The following NOVA1 variants were observed in gnomAD, a reference collection of about 807,000 sequenced individuals.
The protein encoded by NOVA1 is NOVA alternative splicing regulator 1.
In NOVA1, 7 loss-of-function variants were observed where a neutral mutation model predicts 38.0. The observed-to-expected ratio is 0.18, with a 90% CI of 0.10 to 0.35. The LOEUF is 0.35. Among genes scored for constraint, NOVA1 ranks in the 10% least tolerant of loss-of-function variants. The pLI is 1.00. For missense variants in NOVA1, 460 were observed against 616.0 expected, an observed-to-expected ratio of 0.75 and a Z score of 2.68; for synonymous variants, 270 against 232.5, an observed-to-expected ratio of 1.16 and a Z score of -1.47.
rs372806170 is a variant in NOVA1 at position 26,481,988 on chromosome 14, TA to T, written c.281-1846del. Among the ~76,000 whole-genome samples the T allele has an allele frequency of 3.5e-3, 367 of 105,920 alleles. 1 individual carries two copies. Among genetic ancestry groups the T allele is most frequent in the African/African-American group, 0.015 (291 of 19,696 alleles). 69.5% of individuals were successfully genotyped at this position (105,920 alleles called of 152,430 possible). A position where few individuals can be genotyped will look rare whatever the true frequency, so the allele number is the denominator to read the frequency against. ...CAAAACAGTCTAACTTAGATAGAGA[TA>T]AAAAAAAAAAAAAAAAAAAAAAAAA... On this transcript the variant is annotated intron_variant, in intron 2 of 4. Coordinates refer to ENST00000539517, the MANE Select transcript of NOVA1 (RefSeq NM_002515.3).
chr14:26,492,122 A>G (rs1462361414), intron 2 of NOVA1, among the ~76,000 whole-genome samples: 1 of 152,144 alleles, frequency 6.6e-6, no homozygotes, highest in Non-Finnish European at 1.5e-5. Context: ...ATTTATTTGC[A>G]GGCATTTTAC....
intron 2 of NOVA1, among the ~76,000 whole-genome samples, chr14:26,577,645 T>A (rs188766556): frequency 6.6e-6 from 1 of 152,108 alleles, no homozygotes; most frequent in African/African-American, 2.4e-5. Context: ...ACAGATTGGA[T>A]CTGAAGTTCA....
intron 2 of NOVA1, among the ~76,000 whole-genome samples, chr14:26,494,016 G>C (rs908090648): frequency 1.3e-5 from 2 of 152,284 alleles, no homozygotes; most frequent in Admixed American, 1.3e-4. Context: ...CTAAGAGACT[G>C]CTATTCCTCA....
Position 26,448,930 on chromosome 14 carries a change from G to A in NOVA1, c.553C>T (p.Leu185=). Residue 185 remains leucine, a synonymous_variant, in exon 5 of 5, where the codon CTG becomes TTG. Coordinates refer to ENST00000539517, the MANE Select transcript of NOVA1 (RefSeq NM_002515.3). This position sits in a 1 kb window ranked among gnomAD's most constrained non-coding sequence, Gnocchi z 5.3. ...KIIVPNSTAG[L]IIGKGGATVK... ...GTAGCACCTCCCTTCCCTATTATCAGACCTGCTGTGCTGTTGGGAACTATA... is the reference window on the plus strand; with the variant it reads ...GTAGCACCTCCCTTCCCTATTATCAAACCTGCTGTGCTGTTGGGAACTATA... 6.2e-7 allele frequency: 1 copy of A among 1,613,638 alleles called. No homozygotes were observed.
chr14:26,572,725 AGTGTGTGTGTGTGT>A (rs56021646), intron 2 of NOVA1, among the ~76,000 whole-genome samples: 1 of 138,552 alleles, frequency 7.2e-6, no homozygotes, highest in East Asian at 2.2e-4. Context: ...AAGGAACCGC[AGTGTGTGTGTGTGT>A]GTGTGTGTGT....
At chr14:26,474,007 T>A (rs1208888319) in intron 3 of NOVA1, among the ~76,000 whole-genome samples, 2 of 152,072 alleles carry the variant, frequency 1.3e-5, no homozygotes, top group Non-Finnish European at 2.9e-5. Flanking sequence ...CTGAGACATA[T>A]GCTAATGACT....
chr14:26,506,407 C>T, intron 2 of NOVA1, among the ~76,000 whole-genome samples: 1 of 152,152 alleles, frequency 6.6e-6, no homozygotes, highest in East Asian at 1.9e-4. Flanking sequence ...AACAGATTTG[C>T]TTCAGGAAGC....
intron 4 of NOVA1, chr14:26,470,454 A>G: frequency 1.3e-6 from 2 of 1,561,422 alleles, no homozygotes; most frequent in Non-Finnish European, 8.8e-7. Flanking sequence ...TTCTTCTCTT[A>G]TATCTTGCTT....
chr14:26,540,847 C>T (rs1359569955), intron 2 of NOVA1, among the ~76,000 whole-genome samples: 1 of 152,104 alleles, frequency 6.6e-6, no homozygotes, highest in Non-Finnish European at 1.5e-5. Context: ...CCATGGAAAG[C>T]ACAAAGGTGA....
At chr14:26,496,471 T>C (rs1021824103) in intron 2 of NOVA1, among the ~76,000 whole-genome samples, 5 of 152,238 alleles carry the variant, frequency 3.3e-5, no homozygotes, top group African/African-American at 9.6e-5. Flanking sequence ...GTAGTTTCTT[T>C]TGCTGTGCAG....
At chr14:26,510,206 T>C (rs178183) in intron 2 of NOVA1, among the ~76,000 whole-genome samples, 96,208 of 152,040 alleles carry the variant, frequency 0.63, 32,999 homozygotes, top group Non-Finnish European at 0.75. Context: ...CTTCCTTCTA[T>C]ACAGCACACA....
intron 2 of NOVA1, chr14:26,588,550 T>G (rs1893666869): frequency 6.6e-6 from 1 of 151,402 alleles, no homozygotes; most frequent in South Asian, 2.1e-4. Context: ...GATTTGGATA[T>G]CCATACAGTG....
chr14:26,540,363 G>C (rs531294976), intron 2 of NOVA1, among the ~76,000 whole-genome samples: 1 of 152,304 alleles, frequency 6.6e-6, no homozygotes, highest in Non-Finnish European at 1.5e-5. Context: ...CTGAGGTGGA[G>C]CAGTTTCATC....
At chr14:26,519,286 G>A (rs1357468931) in intron 2 of NOVA1, 2 of 152,084 alleles carry the variant, frequency 1.3e-5, no homozygotes, top group Non-Finnish European at 2.9e-5. Context: ...GAACTAAACT[G>A]AGTTAGATTA....
At chr14:26,555,060 T>TACA (rs1594525847) in intron 2 of NOVA1, among the ~76,000 whole-genome samples, 2 of 152,208 alleles carry the variant, frequency 1.3e-5, no homozygotes, top group Admixed American at 6.5e-5. Context: ...AAAAAGGCTC[T>TACA]ACAGAAGGAA....
intron 2 of NOVA1, among the ~76,000 whole-genome samples, chr14:26,572,452 T>C (rs548186962): frequency 9.2e-5 from 14 of 152,320 alleles, no homozygotes; most frequent in African/African-American, 1.9e-4. Flanking sequence ...CGATTATTCA[T>C]ATACGCAGTA....
chr14:26,558,983 G>A (rs178165), intron 2 of NOVA1, among the ~76,000 whole-genome samples: 78,425 of 151,668 alleles, frequency 0.52, 24,720 homozygotes, highest in Non-Finnish European at 0.68. Context: ...CATGCACCTC[G>A]CTTGGATGCA....
intron 2 of NOVA1, among the ~76,000 whole-genome samples, chr14:26,590,358 C>A (rs1337791534): frequency 6.6e-6 from 1 of 151,840 alleles, no homozygotes; most frequent in Non-Finnish European, 1.5e-5. Context: ...TTTTGAAAAG[C>A]AGAACTTACT....
intron 2 of NOVA1, among the ~76,000 whole-genome samples, chr14:26,586,245 T>C (rs995056038): frequency 2.0e-5 from 3 of 151,388 alleles, no homozygotes; most frequent in African/African-American, 4.8e-5. Flanking sequence ...TATTAGAACA[T>C]AGTCCTTAAG....
Sources: gnomAD v4.1 joint callset for allele counts (sites outside exome capture counted in the v4.1 genomes callset) on GRCh38, gnomAD v4.1.1 for gene constraint, Gnocchi (gnomAD v3.1) non-coding constraint, MANE v1.5 for transcripts, NCBI Gene and HGNC (gene_info 2026-07-23, HGNC 2026-07-21) for gene names.